The following CYGB variants were observed in gnomAD, a reference collection of about 807,000 sequenced individuals.
CYGB encodes the protein cytoglobin, also known as histoglobin.
Under a neutral mutation model 20.7 loss-of-function variants are expected in CYGB, and 13 were observed. The observed-to-expected ratio is 0.63, with a 90% CI of 0.41 to 1.00. CYGB has a LOEUF of 1.00. Ranked by LOEUF, CYGB falls within the 50% of genes least tolerant of loss-of-function variation. The pLI, the probability that CYGB is intolerant of heterozygous loss-of-function variation, is 0.00. For synonymous variants in CYGB, 93 were observed against 107.4 expected, an observed-to-expected ratio of 0.87 and a Z score of 0.83; for missense variants, 218 against 257.2, an observed-to-expected ratio of 0.85 and a Z score of 1.04.
chr17:76,529,382 C>A (rs2074806586), intron 3 of CYGB: 1 of 985,192 alleles, frequency 1.0e-6, no homozygotes, highest in Non-Finnish European at 1.2e-6. Flanking sequence ...CAGAAGTGGG[C>A]GGAGGAGGAG....
chr17:76,537,293 C>T (rs994235407), intron 1 of CYGB, 107 bp downstream of exon 1: 14 of 1,285,662 alleles, frequency 1.1e-5, no homozygotes, highest in East Asian at 9.7e-5. Flanking sequence ...GCCCCATTCG[C>T]GGCTGGGGAG....
chr17:76,539,440 T>C (rs2074960925), upstream of CYGB, among the ~76,000 whole-genome samples: 1 of 152,230 alleles, frequency 6.6e-6, no homozygotes, highest in Non-Finnish European at 1.5e-5. Flanking sequence ...GAATTCTGCC[T>C]TTTACTGAAG....
upstream of CYGB, among the ~76,000 whole-genome samples, chr17:76,538,838 C>T (rs903037945): frequency 7.2e-5 from 11 of 152,268 alleles, 1 homozygote; most frequent in Non-Finnish European, 1.6e-4. Flanking sequence ...GTCACTCAGG[C>T]TCCCGGCGAC....
chr17:76,537,403 A>G lies in CYGB; in HGVS notation c.140T>C (p.Val47Ala). The G allele has an allele frequency of 6.3e-7, 1 of 1,592,072 alleles. No homozygotes were observed. The highest frequency in any genetic ancestry group is 8.5e-7 in the Non-Finnish European group (1 of 1,169,960). ...GGCCGGGCCGGGCGACACCTACCTCACCAGGATGGCCACCCCCACGTCCTC... is the reference window on the plus strand; with the variant it reads ...GGCCGGGCCGGGCGACACCTACCTCGCCAGGATGGCCACCCCCACGTCCTC... ...NCEDVGVAILVRFFVNFPSAK... is the reference protein window; with the variant it reads ...NCEDVGVAILARFFVNFPSAK... Residue 47 changes from valine to alanine, a missense_variant, in exon 1 of 4, where the codon GTG (valine) becomes GCG (alanine). Val to Ala is a moderately conservative substitution (Grantham distance 64, BLOSUM62 0). Coordinates refer to ENST00000293230, the MANE Select transcript of CYGB (RefSeq NM_134268.5).
intron 1 of CYGB, chr17:76,543,528 C>G (rs1212340730): frequency 2.8e-6 from 1 of 351,894 alleles, no homozygotes; most frequent in Non-Finnish European, 5.6e-6. Flanking sequence ...TGGGGAAACA[C>G]AGAGACAGGT....
chr17:76,529,687 TC>T, intron 3 of CYGB: 1 of 985,350 alleles, frequency 1.0e-6, no homozygotes, highest in Non-Finnish European at 1.2e-6. Context: ...TCTTCCCCTG[TC>T]TTTTCCCTGG....
At chr17:76,551,082 C>T (rs2075104516) in exon 1 of CYGB, 1 of 152,230 alleles carries the variant, frequency 6.6e-6, no homozygotes, top group Non-Finnish European at 1.5e-5. Context: ...CCACCTGCCA[C>T]CAGGAAGGTG....
Position 76,531,642 on chromosome 17 carries a change from G to A in CYGB, c.193C>T (p.His65Tyr). 1.9e-6 allele frequency: 3 copies of A among 1,610,510 alleles called. No individual in the cohort carries two copies. The highest frequency in any genetic ancestry group is 1.1e-5 in the South Asian group (1 of 91,024). Reference protein sequence around the residue: ...SAKQYFSQFKHMEDPLEMERS... With the variant: ...SAKQYFSQFKYMEDPLEMERS... ...TCCATCTCCAGGGGATCCTCCATGT[G>A]CTTGAACTGGCTGAAGTACTGCTTG... The change falls in exon 2 of 4, where the codon CAC becomes TAC. Residue 65 changes from histidine to tyrosine, a missense_variant. Physicochemically the swap from His to Tyr is moderately conservative, Grantham distance 83. Coordinates refer to ENST00000293230, the MANE Select transcript of CYGB (RefSeq NM_134268.5). This position sits in a 1 kb window ranked among gnomAD's most constrained non-coding sequence, Gnocchi z 7.4.
upstream of CYGB, chr17:76,538,471 C>T (rs760325778): frequency 1.1e-5 from 5 of 465,220 alleles, no homozygotes; most frequent in South Asian, 3.1e-5. Context: ...GCGGCGGCGG[C>T]CAGAAGTCCC....
rs1039069360 is a variant in CYGB at position 76,546,113 on chromosome 17, G to A, written c.-53+4749C>T. 1 of 152,404 alleles carries A rather than the reference G, an allele frequency of 6.6e-6. No homozygotes were observed. Among genetic ancestry groups the A allele is most frequent in the Non-Finnish European group, 1.5e-5 (1 of 68,240 alleles). 9.4% of individuals were successfully genotyped at this position (152,404 alleles called of 1,614,324 possible). A position where few individuals can be genotyped will look rare whatever the true frequency, so the allele number is the denominator to read the frequency against. On this transcript the variant is annotated intron_variant, in intron 1 of 3. Coordinates refer to the CYGB transcript ENST00000589145. This position sits in a 1 kb window ranked among gnomAD's most constrained non-coding sequence, Gnocchi z 4.5. The stretch of plus-strand genomic sequence containing the variant: ...GAACCTCAGCTCCTTGACAAGACGG[G>A]AGGCGCTGCCCTGCTGTGGTACCTT...
In CYGB at chr17:76,531,558, C is replaced by G; in HGVS notation, c.277G>C (p.Val93Leu). ...CRVMGALNTVVENLHDPDKVS... is the reference protein window; with the variant it reads ...CRVMGALNTVLENLHDPDKVS... ...TTGTCGGGGTCATGCAGGTTCTCCA[C>G]GACAGTGTTGAGGGCCCCCATGACT... Residue 93 changes from valine to leucine, a missense_variant, in exon 2 of 4, where the codon GTG (valine) becomes CTG (leucine). By Grantham distance (32) the Val-to-Leu change is conservative. Coordinates refer to ENST00000293230, the MANE Select transcript of CYGB (RefSeq NM_134268.5). This position sits in a 1 kb window ranked among gnomAD's most constrained non-coding sequence, Gnocchi z 7.4. The G allele has an allele frequency of 6.2e-7, 1 of 1,614,172 alleles. No individual in the cohort carries two copies. The highest frequency in any genetic ancestry group is 8.5e-7 in the Non-Finnish European group (1 of 1,179,978).
chr17:76,547,951 T>C (rs2075070786), intron 1 of CYGB, among the ~76,000 whole-genome samples: 1 of 149,010 alleles, frequency 6.7e-6, no homozygotes, highest in Non-Finnish European at 1.5e-5. Context: ...TTCACACACA[T>C]ATACACACAC....
At chr17:76,541,536 G>A (rs1373325271), upstream of CYGB, among the ~76,000 whole-genome samples, 2 of 152,092 alleles carry the variant, frequency 1.3e-5, no homozygotes, top group Admixed American at 1.3e-4. Flanking sequence ...GTCTCCTGTC[G>A]TCTGAGTCCT....
rs1271926253 is a variant in CYGB, at chr17:76,530,027, A to T, written c.539+952T>A. The T allele has an allele frequency of 1.0e-6, 1 of 985,218 alleles. No homozygotes were observed. Among genetic ancestry groups the T allele is most frequent in the Non-Finnish European group, 1.2e-6 (1 of 829,896 alleles). The allele number at this position is 985,218 out of a possible 1,614,324, so 61.0% of individuals were successfully genotyped here. ...ACCTCCTCCAGGAGCTGTGCCTGTG[A>T]ACAGAAGGGCCGGCAGTCTTGGGGG... On this transcript the variant is annotated intron_variant, in intron 3 of 3. Coordinates refer to ENST00000293230, the MANE Select transcript of CYGB (RefSeq NM_134268.5). This position sits in a 1 kb window ranked among gnomAD's most constrained non-coding sequence, Gnocchi z 6.1.
chr17:76,545,483 C>A, intron 1 of CYGB: 1 of 417,150 alleles, frequency 2.4e-6, no homozygotes, highest in Non-Finnish European at 4.9e-6. Context: ...TAAAGGGCAG[C>A]TAGAGAGGGA....
intron 1 of CYGB, among the ~76,000 whole-genome samples, chr17:76,535,752 G>A (rs1019565546): frequency 1.3e-5 from 2 of 152,204 alleles, no homozygotes; most frequent in Non-Finnish European, 2.9e-5. Flanking sequence ...TCGGTGTTTC[G>A]TTTCTCCCTT....
upstream of CYGB, among the ~76,000 whole-genome samples, chr17:76,538,987 C>T (rs2074955588): frequency 6.6e-6 from 1 of 152,254 alleles, no homozygotes; most frequent in African/African-American, 2.4e-5. Context: ...CTCACCCTGG[C>T]CAGCCTCAGC....
chr17:76,541,216 A>G (rs2074989374), upstream of CYGB, among the ~76,000 whole-genome samples: 1 of 152,168 alleles, frequency 6.6e-6, no homozygotes, highest in Admixed American at 6.5e-5. Context: ...TATCCCAACC[A>G]AACACTGGAA....
chr17:76,547,983 C>A (rs1567915701), intron 1 of CYGB, among the ~76,000 whole-genome samples: 1 of 151,730 alleles, frequency 6.6e-6, no homozygotes, highest in East Asian at 1.9e-4. Context: ...CATACACATA[C>A]ATACACATTC....
Sources: allele counts gnomAD v4.1 joint callset (sites outside exome capture counted in the v4.1 genomes callset), GRCh38; gene constraint gnomAD v4.1.1; non-coding constraint Gnocchi (gnomAD v3.1); transcripts MANE v1.5; gene names NCBI Gene and HGNC (gene_info 2026-07-23, HGNC 2026-07-21).